ACTR3: variants seen among roughly 807,000 people sequenced by gnomAD.
ACTR3 encodes the protein actin-related protein 3.
In ACTR3, 12 loss-of-function variants were observed where a neutral mutation model predicts 56.8. The observed-to-expected ratio is 0.21, with a 90% CI of 0.14 to 0.34. The LOEUF (loss-of-function observed/expected upper bound fraction) is 0.34, where lower values mean the gene tolerates loss of function less well. ACTR3 is among the 10% of genes least tolerant of loss of function. The probability of loss-of-function intolerance (pLI) is 1.00; values close to 1 mark genes in which losing one functional copy is unlikely to be tolerated. For synonymous variants in ACTR3, 162 were observed against 167.4 expected (o/e 0.97, Z 0.25); for missense variants, 282 against 512.5 (o/e 0.55, Z 4.34).
intron 10 of ACTR3, chr2:113,953,788 T>C (rs1278957309): frequency 6.6e-6 from 1 of 152,230 alleles, no homozygotes; most frequent in East Asian, 1.9e-4. Context: ...ATCAAAATCA[T>C]GAAATTAACC....
At chr2:113,907,650 A>G (rs1394894729) in intron 1 of ACTR3, among the ~76,000 whole-genome samples, 1 of 152,208 alleles carries the variant, frequency 6.6e-6, no homozygotes, top group African/African-American at 2.4e-5. Context: ...AATTCAAAGC[A>G]AAAATTTATT....
At chr2:113,892,095 T>C (rs953343483) in intron 1 of ACTR3, among the ~76,000 whole-genome samples, 1 of 152,236 alleles carries the variant, frequency 6.6e-6, no homozygotes, top group South Asian at 2.1e-4. Context: ...TGAGAAATAA[T>C]ATGGTAACAT....
intron 4 of ACTR3, among the ~76,000 whole-genome samples, chr2:113,927,786 G>A (rs1679647568): frequency 6.6e-6 from 1 of 151,972 alleles, no homozygotes; most frequent in Admixed American, 6.6e-5. Flanking sequence ...TATATCATTG[G>A]TATTTCTTCA....
rs566030076 is a variant in ACTR3 at position 113,925,512 on chromosome 2, T to A, written c.226-1833T>A. On this transcript the variant is annotated intron_variant, in intron 3 of 11. Transcript: ENST00000263238. ...CGCCCAGTCGGAACTTTATTTTTTT[T>A]AAAAACCTGTAGTGTAATATTTGTT... is the stretch of plus-strand genomic sequence containing the variant. Among the ~76,000 whole-genome samples the A allele has an allele frequency of 5.2e-3, 797 of 152,304 alleles. 9 individuals carry two copies. Among genetic ancestry groups the A allele is most frequent in the Non-Finnish European group, 5.7e-3 (389 of 68,012 alleles).
chr2:113,896,123 G>C (rs1253126387), intron 1 of ACTR3, among the ~76,000 whole-genome samples: 1 of 152,188 alleles, frequency 6.6e-6, no homozygotes, highest in Non-Finnish European at 1.5e-5. Context: ...ACCTCTTAAA[G>C]TGTTGAGATT....
chr2:113,954,136 G>T (rs1261482218), intron 10 of ACTR3: 1 of 152,172 alleles, frequency 6.6e-6, no homozygotes, highest in Non-Finnish European at 1.5e-5. Flanking sequence ...CATTTTTAGT[G>T]CATTGTATCA....
chr2:113,945,299 A>G (rs1252121105), intron 8 of ACTR3, among the ~76,000 whole-genome samples: 2 of 152,216 alleles, frequency 1.3e-5, no homozygotes, highest in African/African-American at 4.8e-5. Context: ...ATTGTGTTCT[A>G]TAGAGCATCC....
intron 8 of ACTR3, among the ~76,000 whole-genome samples, chr2:113,949,377 C>CAA (rs1167037648): frequency 0.043 from 2,462 of 57,514 alleles, 200 homozygotes; most frequent in African/African-American, 0.16. Context: ...GACTCGGTCT[C>CAA]AAAAAAAAAA....
At chr2:113,917,705 A>G (rs1679432668) in intron 3 of ACTR3, among the ~76,000 whole-genome samples, 1 of 152,228 alleles carries the variant, frequency 6.6e-6, no homozygotes, top group African/African-American at 2.4e-5. Context: ...TTCATTAATG[A>G]ACAACTACCA....
intron 1 of ACTR3, chr2:113,890,565 T>C: frequency 1.5e-6 from 2 of 1,367,538 alleles, no homozygotes; most frequent in Non-Finnish European, 1.9e-6. Flanking sequence ...TCCCAGCGGC[T>C]TTCTCCGCGC....
intron 3 of ACTR3, among the ~76,000 whole-genome samples, chr2:113,923,105 C>G (rs1354123778): frequency 6.6e-6 from 1 of 152,200 alleles, no homozygotes; most frequent in Non-Finnish European, 1.5e-5. Flanking sequence ...TACTAACAAA[C>G]CAGAACAAAA....
chr2:113,901,974 A>G (rs756185199), intron 1 of ACTR3, among the ~76,000 whole-genome samples: 1 of 152,262 alleles, frequency 6.6e-6, no homozygotes, highest in African/African-American at 2.4e-5. Context: ...TTGTTTTACT[A>G]CTGAAAAAGA....
chr2:113,890,652 G>A (rs1054622851), intron 1 of ACTR3: 17 of 1,240,144 alleles, frequency 1.4e-5, no homozygotes, highest in South Asian at 2.6e-5. Flanking sequence ...CTTGGGGGTG[G>A]TCCCCGGGCC....
intron 8 of ACTR3, among the ~76,000 whole-genome samples, chr2:113,950,207 A>G (rs1247563692): frequency 1.3e-5 from 2 of 152,248 alleles, no homozygotes; most frequent in East Asian, 1.9e-4. Context: ...TTTATATTCA[A>G]TAGCACTAGA....
At chr2:113,900,800 G>A (rs1207778718) in intron 1 of ACTR3, among the ~76,000 whole-genome samples, 1 of 152,162 alleles carries the variant, frequency 6.6e-6, no homozygotes, top group African/African-American at 2.4e-5. Context: ...AGGCTTGAAG[G>A]GACCAGGAGA....
intron 2 of ACTR3, among the ~76,000 whole-genome samples, chr2:113,914,323 C>T (rs1679362757): frequency 6.6e-6 from 1 of 152,088 alleles, no homozygotes; most frequent in Admixed American, 6.5e-5. Flanking sequence ...AAAGAAATAA[C>T]ACTGTCTGGC....
intron 8 of ACTR3, among the ~76,000 whole-genome samples, chr2:113,944,119 G>C (rs956406593): frequency 3.3e-5 from 5 of 152,140 alleles, no homozygotes; most frequent in Admixed American, 1.3e-4. Context: ...GAAGTACTTG[G>C]AGTTTTTCAG....
chr2:113,892,464 C>T (rs1462085692), intron 1 of ACTR3, among the ~76,000 whole-genome samples: 2 of 152,276 alleles, frequency 1.3e-5, no homozygotes, highest in Admixed American at 6.5e-5. Flanking sequence ...TGAAATTCCC[C>T]CTTTAGAGTT....
intron 1 of ACTR3, among the ~76,000 whole-genome samples, chr2:113,911,224 T>TGTA (rs1679300240): frequency 1.3e-5 from 2 of 152,040 alleles, no homozygotes; most frequent in Non-Finnish European, 1.5e-5. Flanking sequence ...TCAGGGCAGC[T>TGTA]GGGAGAGGTC....
Sources: gnomAD v4.1 joint callset for allele counts (sites outside exome capture counted in the v4.1 genomes callset) on GRCh38, gnomAD v4.1.1 for gene constraint, MANE v1.5 for transcripts, NCBI Gene and HGNC (gene_info 2026-07-23, HGNC 2026-07-21) for gene names.